Variants in PTPRD observed in about 807,000 individuals in gnomAD.
The protein encoded by PTPRD is receptor-type tyrosine-protein phosphatase delta.
A neutral mutation model predicts 214.5 loss-of-function variants in PTPRD; 34 were observed. The ratio of observed to expected loss-of-function variants is 0.16; its 90% CI spans 0.12 to 0.21. The LOEUF (loss-of-function observed/expected upper bound fraction) is 0.21, where lower values mean the gene tolerates loss of function less well. Among genes scored for constraint, PTPRD ranks in the 10% least tolerant of loss-of-function variants. The pLI is 1.00. For missense variants in PTPRD, 2,545 were observed against 2,398.7 expected (o/e 1.06, Z -1.27); for synonymous variants, 1,128 against 845.7 (o/e 1.33, Z -5.79).
intron 7 of PTPRD, among the ~76,000 whole-genome samples, chr9:9,697,434 T>C (rs1333021498): frequency 6.6e-6 from 1 of 152,150 alleles, no homozygotes; most frequent in African/African-American, 2.4e-5. Flanking sequence ...GTTTGAAGAA[T>C]AGCTTTGTTG....
At chr9:9,059,814 A>G (rs2099703787) in intron 10 of PTPRD, among the ~76,000 whole-genome samples, 1 of 152,120 alleles carries the variant, frequency 6.6e-6, no homozygotes, top group African/African-American at 2.4e-5. Context: ...ACTTACAGCA[A>G]ATATTTTTAA....
chr9:9,706,702 A>G (rs142378959), intron 7 of PTPRD, among the ~76,000 whole-genome samples: 130 of 152,188 alleles, frequency 8.5e-4, no homozygotes, highest in Non-Finnish European at 1.5e-3. Context: ...AGCCTCCCAA[A>G]GTGCTAGCAT....
intron 14 of PTPRD, among the ~76,000 whole-genome samples, chr9:8,570,510 T>C (rs1371259468): frequency 6.6e-6 from 1 of 152,158 alleles, no homozygotes; most frequent in Non-Finnish European, 1.5e-5. Flanking sequence ...ATGTGGTGTG[T>C]AAAGTATGGT....
chr9:9,937,173 T>C (rs1045192110), intron 5 of PTPRD, among the ~76,000 whole-genome samples: 7 of 151,906 alleles, frequency 4.6e-5, no homozygotes, highest in Non-Finnish European at 8.8e-5. Flanking sequence ...CATGTATACA[T>C]ATGTAACTAA....
At chr9:9,589,492 C>G (rs1042494541) in intron 7 of PTPRD, among the ~76,000 whole-genome samples, 5 of 151,818 alleles carry the variant, frequency 3.3e-5, no homozygotes, top group African/African-American at 1.2e-4. Flanking sequence ...CTCAGTAAGA[C>G]CATGGAAAAT....
At chr9:9,677,940 G>C (rs1050617902) in intron 7 of PTPRD, among the ~76,000 whole-genome samples, 1 of 152,086 alleles carries the variant, frequency 6.6e-6, no homozygotes, top group Non-Finnish European at 1.5e-5. Flanking sequence ...CAAACAGAGA[G>C]CCAAATCATG....
chr9:10,391,144 T>A (rs2098054939), intron 2 of PTPRD, among the ~76,000 whole-genome samples: 1 of 151,758 alleles, frequency 6.6e-6, no homozygotes, highest in African/African-American at 2.4e-5. Context: ...CTGGATTGGA[T>A]GCAGTTGGAA....
chr9:9,525,122 G>A (rs2073811258), intron 8 of PTPRD, among the ~76,000 whole-genome samples: 1 of 152,212 alleles, frequency 6.6e-6, no homozygotes, highest in Non-Finnish European at 1.5e-5. Flanking sequence ...ATCCCAAAGT[G>A]CTGGGATTAC....
chr9:8,662,009 C>T (rs542093037), intron 12 of PTPRD, among the ~76,000 whole-genome samples: 1 of 152,204 alleles, frequency 6.6e-6, no homozygotes, highest in Admixed American at 6.6e-5. Context: ...CTTAAACCTC[C>T]GGGTTCAAGT....
chr9:9,021,520 T>C (rs1376523775), intron 10 of PTPRD, among the ~76,000 whole-genome samples: 1 of 152,160 alleles, frequency 6.6e-6, no homozygotes, highest in Non-Finnish European at 1.5e-5. Context: ...ATACTTCATG[T>C]CATTATTTTA....
chr9:9,609,899 T>C (rs759955561), intron 7 of PTPRD, among the ~76,000 whole-genome samples: 6 of 152,190 alleles, frequency 3.9e-5, no homozygotes, highest in Non-Finnish European at 8.8e-5. Context: ...AACTAATTTA[T>C]AAAAAAATAA....
At chr9:10,147,699 G>A (rs2099032944) in intron 3 of PTPRD, among the ~76,000 whole-genome samples, 1 of 152,012 alleles carries the variant, frequency 6.6e-6, no homozygotes, top group Non-Finnish European at 1.5e-5. Context: ...GGCCAATATG[G>A]TAAAACCCCG....
intron 9 of PTPRD, among the ~76,000 whole-genome samples, chr9:9,383,754 T>A (rs28393165): frequency 0.24 from 36,333 of 151,892 alleles, 4,418 homozygotes; most frequent in Middle Eastern, 0.37. Flanking sequence ...AATCTCAAGT[T>A]AATATTTATT....
At chr9:9,087,887 T>TTC (rs1554759233) in intron 10 of PTPRD, among the ~76,000 whole-genome samples, 2 of 132,752 alleles carry the variant, frequency 1.5e-5, no homozygotes, top group Non-Finnish European at 3.2e-5. Context: ...TCTTTTTTTT[T>TTC]TTTTTTTTTT....
At chr9:8,892,615 A>ATGTG (rs2098550138) in intron 11 of PTPRD, among the ~76,000 whole-genome samples, 2 of 146,956 alleles carry the variant, frequency 1.4e-5, no homozygotes, top group Non-Finnish European at 3.0e-5. Context: ...GTGTGTATAT[A>ATGTG]TATGTGTATA....
intron 10 of PTPRD, among the ~76,000 whole-genome samples, chr9:9,102,987 G>T (rs1325352007): frequency 2.0e-5 from 3 of 152,274 alleles, no homozygotes; most frequent in East Asian, 3.9e-4. Flanking sequence ...AGTTTTTATG[G>T]TCTCTGTGTC....
chr9:9,254,202 G>A (rs138990433), intron 9 of PTPRD, among the ~76,000 whole-genome samples: 117 of 152,112 alleles, frequency 7.7e-4, no homozygotes, highest in Middle Eastern at 6.8e-3. Context: ...TTATGGGGGC[G>A]GGGCGGGGCA....
chr9:9,172,717 G>A (rs886251496), intron 10 of PTPRD, among the ~76,000 whole-genome samples: 1 of 151,972 alleles, frequency 6.6e-6, no homozygotes, highest in Non-Finnish European at 1.5e-5. Flanking sequence ...CCTCCCATCT[G>A]GTTGATTTGC....
intron 9 of PTPRD, among the ~76,000 whole-genome samples, chr9:9,208,846 C>G (rs10977576): frequency 6.6e-6 from 1 of 151,368 alleles, no homozygotes. Context: ...CTCGCTCTGT[C>G]GCCAAAGCTG....
Sources: gnomAD v4.1 joint callset for allele counts (sites outside exome capture counted in the v4.1 genomes callset) on GRCh38, gnomAD v4.1.1 for gene constraint, MANE v1.5 for transcripts, NCBI Gene and HGNC (gene_info 2026-07-23, HGNC 2026-07-21) for gene names.